Variants in ABCA13 observed in about 807,000 individuals in gnomAD.
ABCA13 encodes ATP binding cassette subfamily A member 13.
Under a neutral mutation model 478.7 loss-of-function variants are expected in ABCA13, and 476 were observed. The observed-to-expected ratio is 0.99, with a 90% CI of 0.92 to 1.07. The LOEUF (loss-of-function observed/expected upper bound fraction) is 1.07, where lower values mean the gene tolerates loss of function less well. Among genes scored for constraint, ABCA13 ranks in the 50% least tolerant of loss-of-function variants. The pLI is 0.00. For synonymous variants in ABCA13, 2,252 were observed against 2,158.9 expected (o/e 1.04, Z -1.20); for missense variants, 6,060 against 5,910.6 (o/e 1.03, Z -0.83).
At chr7:48,381,370 T>TAC (rs61376984) in intron 35 of ABCA13, among the ~76,000 whole-genome samples, 13,897 of 148,976 alleles carry the variant, frequency 0.093, 681 homozygotes, top group East Asian at 0.16. Flanking sequence ...CACATACACA[T>TAC]ACACACACAC....
intron 27 of ABCA13, 68 bp downstream of exon 27, chr7:48,317,364 T>C: frequency 2.0e-6 from 3 of 1,508,458 alleles, no homozygotes; most frequent in Non-Finnish European, 2.7e-6. Context: ...TCTTTAAAAA[T>C]GTCTGACATA....
At chr7:48,259,063 G>A (rs549005118) in intron 15 of ABCA13, among the ~76,000 whole-genome samples, 127 of 152,020 alleles carry the variant, frequency 8.4e-4, no homozygotes, top group Admixed American at 1.3e-3. Context: ...CCATGTGCAC[G>A]TGAGAAGAAT....
intron 55 of ABCA13, among the ~76,000 whole-genome samples, chr7:48,537,865 C>T: frequency 6.6e-6 from 1 of 151,852 alleles, no homozygotes; most frequent in Non-Finnish European, 1.5e-5. Context: ...CTGATTACAA[C>T]TGGTGGGGAG....
intron 27 of ABCA13, among the ~76,000 whole-genome samples, chr7:48,333,146 C>T (rs1340381025): frequency 1.3e-5 from 2 of 152,318 alleles, no homozygotes; most frequent in East Asian, 3.9e-4. Context: ...TCTCCTTTCT[C>T]CCTGTTGCAC....
rs995928553 is a variant in ABCA13 at position 48,644,666 on chromosome 7, G to T, written c.14993G>T (p.Cys4998Phe). ...LEYHVPKRWG[C>F]LADLFKVIEN... ...TATCATGTGCCAAAAAGATGGGGAT[G>T]CCTAGCTGACTTGTTCAAAGTTATA... The change falls in exon 61 of 62, where the codon TGC becomes TTC. Residue 4998 changes from cysteine (C) to phenylalanine (F), a missense_variant. Around this residue, in one of 3 missense-constraint regions of ABCA13, gnomAD observed 1,627 missense variants for 1,571.0 expected, o/e 1.04. Transcript: ENST00000435803. 1.2e-6 allele frequency: 2 copies of T among 1,609,796 alleles called. No individual in the cohort carries two copies. Among genetic ancestry groups the T allele is most frequent in the African/African-American group, 1.4e-5 (1 of 73,792 alleles).
intron 56 of ABCA13, among the ~76,000 whole-genome samples, chr7:48,581,450 T>G (rs1259468801): frequency 6.6e-6 from 1 of 152,180 alleles, no homozygotes; most frequent in Non-Finnish European, 1.5e-5. Flanking sequence ...ACCTGCTGGT[T>G]GTAGTTAAAC....
intron 54 of ABCA13, among the ~76,000 whole-genome samples, chr7:48,527,883 A>C (rs893534127): frequency 6.6e-6 from 1 of 152,188 alleles, no homozygotes; most frequent in Non-Finnish European, 1.5e-5. Flanking sequence ...AATAATTATA[A>C]TGATGTGACT....
chr7:48,283,889 G>T (rs78939379), intron 19 of ABCA13, among the ~76,000 whole-genome samples: 5,573 of 152,278 alleles, frequency 0.037, 204 homozygotes, highest in Admixed American at 0.1. Flanking sequence ...TTCATGCTGA[G>T]TGACACAGGG....
At chr7:48,236,767 A>G (rs1790014370) in intron 8 of ABCA13, among the ~76,000 whole-genome samples, 1 of 152,198 alleles carries the variant, frequency 6.6e-6, no homozygotes, top group Non-Finnish European at 1.5e-5. Context: ...CACTTGCCAT[A>G]CAACATAACA....
intron 31 of ABCA13, among the ~76,000 whole-genome samples, chr7:48,360,029 T>G (rs1196905624): frequency 1.3e-5 from 2 of 152,032 alleles, no homozygotes; most frequent in Non-Finnish European, 2.9e-5. Flanking sequence ...TTTTTTGTTT[T>G]TACTTTTATT....
At chr7:48,478,005 G>A (rs535958391) in intron 45 of ABCA13, among the ~76,000 whole-genome samples, 9 of 151,746 alleles carry the variant, frequency 5.9e-5, no homozygotes, top group African/African-American at 2.2e-4. Flanking sequence ...CATTTTAGAA[G>A]GATGTATCTT....
At chr7:48,245,758 T>G (rs931106809) in intron 12 of ABCA13, 105 bp from the exon 13 acceptor site, 56 of 1,443,044 alleles carry the variant, frequency 3.9e-5, no homozygotes, top group Non-Finnish European at 5.2e-5. Flanking sequence ...ATGTTGTGTT[T>G]AAAATGTTTA....
chr7:48,528,140 G>C (rs756808661), intron 54 of ABCA13, 96 bp from the exon 55 acceptor site: 8 of 1,070,872 alleles, frequency 7.5e-6, no homozygotes, highest in African/African-American at 1.6e-5. Flanking sequence ...CTAAAAGCAA[G>C]TGCTGTTTCT....
chr7:48,437,682 G>C (rs938808396), intron 42 of ABCA13, among the ~76,000 whole-genome samples: 1 of 151,894 alleles, frequency 6.6e-6, no homozygotes. Context: ...CTAAATAATC[G>C]TTTGTTGGGA....
chr7:48,406,293 A>G (rs1818248709), intron 39 of ABCA13, among the ~76,000 whole-genome samples: 2 of 152,204 alleles, frequency 1.3e-5, no homozygotes, highest in African/African-American at 4.8e-5. Flanking sequence ...CACTTGCTCT[A>G]CAAATCCCAT....
chr7:48,504,407 T>C (rs374222389), intron 48 of ABCA13, among the ~76,000 whole-genome samples: 43 of 152,108 alleles, frequency 2.8e-4, no homozygotes, highest in African/African-American at 9.2e-4. Flanking sequence ...ACTGCGAGGA[T>C]GGAGTTCACG....
At chr7:48,268,941 C>A in intron 15 of ABCA13, 39 bp from the exon 16 acceptor site, 2 of 1,033,752 alleles carry the variant, frequency 1.9e-6, no homozygotes, top group South Asian at 1.4e-5. Context: ...TCTGTTATAA[C>A]CAGTTTATAA....
At position 48,389,419 on chromosome 7, in the gene ABCA13, T is replaced by A. The variant is rs139803185; in HGVS notation, c.11654+199T>A. Among the ~76,000 whole-genome samples, 239 of 152,328 alleles carry A rather than the reference T, an allele frequency of 1.6e-3. 1 individual carries two copies. The highest frequency in any genetic ancestry group is 2.9e-3 in the Non-Finnish European group (200 of 68,020). ...GGCCCTATGTCTTCAACCGCACAGG[T>A]GCACTGTAGGCCTGGGGCTCAGTCA... On this transcript the variant is annotated intron_variant, in intron 37 of 61. Coordinates refer to ENST00000435803, the MANE Select transcript of ABCA13 (RefSeq NM_152701.5).
chr7:48,334,422 C>T (rs564888956), intron 27 of ABCA13, among the ~76,000 whole-genome samples: 6 of 151,940 alleles, frequency 3.9e-5, no homozygotes, highest in Non-Finnish European at 8.8e-5. Context: ...GCAAGCTCCA[C>T]CTCCCGGGTT....
Sources: gnomAD v4.1 joint callset for allele counts (sites outside exome capture counted in the v4.1 genomes callset) on GRCh38, gnomAD v4.1.1 for gene constraint, gnomAD v4.1.1 regional missense constraint, MANE v1.5 for transcripts, NCBI Gene and HGNC (gene_info 2026-07-23, HGNC 2026-07-21) for gene names.